DOCK5: variants seen among roughly 807,000 people sequenced by gnomAD.
DOCK5 encodes dedicator of cytokinesis 5, also known as dedicator of cytokinesis protein 5.
Under a neutral mutation model 251.8 loss-of-function variants are expected in DOCK5, and 142 were observed. The ratio of observed to expected loss-of-function variants is 0.56; its 90% confidence interval spans 0.49 to 0.65. DOCK5 has a LOEUF of 0.65. Ranked by LOEUF, DOCK5 falls within the 30% of genes least tolerant of loss-of-function variation. The pLI is 0.00. For synonymous variants in DOCK5, 842 were observed against 835.5 expected (o/e 1.01, Z -0.13); for missense variants, 2,111 against 2,312.3 (o/e 0.91, Z 1.79).
intron 2 of DOCK5, among the ~76,000 whole-genome samples, chr8:25,252,373 C>G (rs1488909678): frequency 6.6e-6 from 1 of 152,198 alleles, no homozygotes; most frequent in Non-Finnish European, 1.5e-5. Flanking sequence ...CTTCCGTTTA[C>G]TTTTGTTACC....
At chr8:25,268,910 AT>A (rs1350722136) in intron 3 of DOCK5, 25 bp downstream of exon 3, 1 of 1,528,614 alleles carries the variant, frequency 6.5e-7, no homozygotes, top group Non-Finnish European at 8.8e-7. Flanking sequence ...TCACTTTTTA[AT>A]TTCATTTGAA....
At chr8:25,352,559 A>G (rs1014250003) in intron 27 of DOCK5, among the ~76,000 whole-genome samples, 7 of 152,184 alleles carry the variant, frequency 4.6e-5, no homozygotes, top group African/African-American at 1.7e-4. Flanking sequence ...TCCTATATTA[A>G]AAGCTTCCTA....
In DOCK5 at chr8:25,372,673, A is replaced by G. The variant is rs1189020243; in HGVS notation, c.3639A>G (p.Gln1213=). 2 of 1,611,494 alleles carry G rather than the reference A, an allele frequency of 1.2e-6. No individual in the cohort carries two copies. The highest frequency in any genetic ancestry group is 1.7e-6 in the Non-Finnish European group (2 of 1,178,904). The change falls in exon 35 of 52, where the codon CAA becomes CAG. Residue 1213 remains glutamine (Q), a synonymous_variant. Coordinates refer to ENST00000276440, the MANE Select transcript of DOCK5 (RefSeq NM_024940.8). ...NLLDYRTIIM[Q]DESKENRMSC... is the part of the protein sequence containing the mutation. ...TGGACTATAGAACCATCATCATGCA[A>G]GATGAGAGCAAGGAGAACCGTATGA...
chr8:25,399,931 C>A lies in DOCK5; in HGVS notation c.4725C>A (p.Tyr1575Ter). Residue 1575 changes from tyrosine (Y) to a stop codon, truncating the protein, a stop_gained, in exon 46 of 52, where the codon TAC becomes TAA. Coordinates refer to ENST00000276440, the MANE Select transcript of DOCK5 (RefSeq NM_024940.8). LOFTEE classifies it high-confidence loss of function. ...TTTAGGCTTTTTTTACAGAAAAGTA[C>A]TTGCAGGAGCATCCTGAAGACCAGG... Reference protein sequence around the residue: ...NYEKAFFTEKYLQEHPEDQEK... With the variant: ...NYEKAFFTEK 3.1e-6 allele frequency: 5 copies of A among 1,613,374 alleles called. No homozygotes were observed. The highest frequency in any genetic ancestry group is 4.2e-6 in the Non-Finnish European group (5 of 1,179,648).
At chr8:25,396,427 C>T (rs937361550) in intron 45 of DOCK5, among the ~76,000 whole-genome samples, 1 of 151,780 alleles carries the variant, frequency 6.6e-6, no homozygotes, top group South Asian at 2.1e-4. Flanking sequence ...AACTGATGGC[C>T]CTGACTCTAC....
In DOCK5 at chr8:25,341,809, G is replaced by C; in HGVS notation, c.2510G>C (p.Ser837Thr). The change falls in exon 24 of 52, where the codon AGC becomes ACC. Residue 837 changes from serine to threonine, a missense_variant and splice_region_variant. Physicochemically the swap from Ser to Thr is moderately conservative, Grantham distance 58 (BLOSUM62 1). Coordinates refer to ENST00000276440, the MANE Select transcript of DOCK5 (RefSeq NM_024940.8). ...VKLVFDPVEL[S>T]VLFCKFIQSI... ...CTTGTATTTGATCCTGTTGAGCTCA[G>C]GTAAATAGCAAAACAAAATTTTGTT... The C allele has an allele frequency of 6.4e-7, 1 of 1,562,684 alleles. No homozygotes were observed. The highest frequency in any genetic ancestry group is 8.7e-7 in the Non-Finnish European group (1 of 1,151,972).
chr8:25,206,498 G>A (rs1225283308), intron 1 of DOCK5, among the ~76,000 whole-genome samples: 4 of 152,180 alleles, frequency 2.6e-5, no homozygotes, highest in African/African-American at 7.2e-5. Context: ...AAATGTAACA[G>A]TTGGCCCTTC....
chr8:25,378,904 G>C (rs1294231896), intron 38 of DOCK5, among the ~76,000 whole-genome samples: 2 of 152,200 alleles, frequency 1.3e-5, no homozygotes, highest in Non-Finnish European at 2.9e-5. Context: ...TTACAGCTGG[G>C]CTGCCGGGGG....
intron 1 of DOCK5, among the ~76,000 whole-genome samples, chr8:25,240,204 C>G (rs1802907452): frequency 1.3e-5 from 2 of 151,680 alleles, no homozygotes; most frequent in Non-Finnish European, 1.5e-5. Context: ...AGCTGAATCT[C>G]TAAGGGAGTT....
At chr8:25,335,174 G>A (rs1805774106) in intron 21 of DOCK5, among the ~76,000 whole-genome samples, 1 of 152,200 alleles carries the variant, frequency 6.6e-6, no homozygotes, top group Non-Finnish European at 1.5e-5. Flanking sequence ...ATCTTCTTAT[G>A]ACAGTGGCTT....
intron 1 of DOCK5, among the ~76,000 whole-genome samples, chr8:25,201,280 G>A (rs2038504418): frequency 1.3e-5 from 2 of 152,152 alleles, no homozygotes; most frequent in South Asian, 4.1e-4. Flanking sequence ...AGACAATAAA[G>A]TATGATGTAA....
chr8:25,351,022 G>C (rs1401435028), intron 26 of DOCK5, among the ~76,000 whole-genome samples: 1 of 152,020 alleles, frequency 6.6e-6, no homozygotes, highest in Non-Finnish European at 1.5e-5. Context: ...TCCCACACAT[G>C]TGCCTAATTG....
At chr8:25,310,574 C>G (rs781480174) in intron 13 of DOCK5, 42 bp downstream of exon 13, 16 of 1,551,866 alleles carry the variant, frequency 1.0e-5, no homozygotes, top group African/African-American at 1.4e-5. Context: ...TCCTCCTGTT[C>G]AGCGATTATT....
At chr8:25,272,702 T>C (rs1490076976) in intron 3 of DOCK5, among the ~76,000 whole-genome samples, 1 of 152,178 alleles carries the variant, frequency 6.6e-6, no homozygotes, top group East Asian at 1.9e-4. Flanking sequence ...GTGGTAAAAA[T>C]ATATATAACA....
At chr8:25,254,331 G>T (rs955916106) in intron 2 of DOCK5, among the ~76,000 whole-genome samples, 4 of 152,038 alleles carry the variant, frequency 2.6e-5, no homozygotes, top group Admixed American at 6.6e-5. Context: ...TGATATGGGG[G>T]TAACTTTTTA....
At chr8:25,331,301 T>C (rs1007323186) in intron 18 of DOCK5, among the ~76,000 whole-genome samples, 1 of 151,424 alleles carries the variant, frequency 6.6e-6, no homozygotes, top group African/African-American at 2.4e-5. Flanking sequence ...AGAGACAGGG[T>C]CTCTCTATGT....
At chr8:25,257,330 T>C (rs1803446058) in intron 2 of DOCK5, among the ~76,000 whole-genome samples, 1 of 152,156 alleles carries the variant, frequency 6.6e-6, no homozygotes, top group Non-Finnish European at 1.5e-5. Flanking sequence ...GAATTATTGA[T>C]GCTCTTTTAA....
Position 25,363,065 on chromosome 8 carries a change from T to G in DOCK5, c.2968T>G (p.Phe990Val), listed in dbSNP as rs757836738. The G allele has an allele frequency of 3.6e-5, 58 of 1,613,864 alleles. No individual in the cohort carries two copies. Among genetic ancestry groups the G allele is most frequent in the Non-Finnish European group, 4.7e-5 (56 of 1,179,874 alleles). ...QDIIDFLMET[F>V]IMFKDLIGKN... ...TCCGCAGGACTTCCTCATGGAAACT[T>G]TTATCATGTTCAAGGACCTGATTGG... Residue 990 changes from phenylalanine to valine, a missense_variant, in exon 29 of 52, where the codon TTT becomes GTT. Coordinates refer to ENST00000276440, the MANE Select transcript of DOCK5 (RefSeq NM_024940.8).
intron 1 of DOCK5, among the ~76,000 whole-genome samples, chr8:25,230,561 T>G (rs1470716859): frequency 6.6e-6 from 1 of 152,120 alleles, no homozygotes; most frequent in Non-Finnish European, 1.5e-5. Context: ...TGAAGAATAT[T>G]TATACCAGGC....
Sources: allele counts gnomAD v4.1 joint callset (sites outside exome capture counted in the v4.1 genomes callset), GRCh38; gene constraint gnomAD v4.1.1; transcripts MANE v1.5; gene names NCBI Gene and HGNC (gene_info 2026-07-23, HGNC 2026-07-21).